The following PLEKHA2 variants were observed in gnomAD, a reference collection of about 807,000 sequenced individuals.
PLEKHA2 encodes the protein pleckstrin homology domain containing A2, also known as pleckstrin homology domain-containing family A member 2.
Under a neutral mutation model 53.2 loss-of-function variants are expected in PLEKHA2, and 28 were observed. The observed-to-expected ratio is 0.53, with a 90% CI of 0.39 to 0.72. The LOEUF (loss-of-function observed/expected upper bound fraction) is 0.72. PLEKHA2 is among the 30% of genes least tolerant of loss of function. The pLI is 0.00. For synonymous variants in PLEKHA2, 193 were observed against 196.4 expected (o/e 0.98, Z 0.14); for missense variants, 426 against 537.9 (o/e 0.79, Z 2.06).
At chr8:38,904,024 T>C (rs1054010847) in intron 1 of PLEKHA2, among the ~76,000 whole-genome samples, 3 of 152,190 alleles carry the variant, frequency 2.0e-5, no homozygotes, top group Non-Finnish European at 4.4e-5. Flanking sequence ...TTATAGTGTG[T>C]TGGCCTATGG....
chr8:38,921,215 C>G (rs899825903), intron 2 of PLEKHA2, among the ~76,000 whole-genome samples: 2 of 152,216 alleles, frequency 1.3e-5, no homozygotes, highest in Non-Finnish European at 2.9e-5. Context: ...TGGGTCTTCA[C>G]GTTCCCTCTC....
chr8:38,964,822 GATTTT>G (rs1471020318), intron 10 of PLEKHA2, among the ~76,000 whole-genome samples: 4 of 106,794 alleles, frequency 3.7e-5, no homozygotes, highest in Non-Finnish European at 6.0e-5. Context: ...GTTTTAAAGT[GATTTT>G]ATTTTATTTT....
At chr8:38,926,659 G>T (rs575428874) in intron 2 of PLEKHA2, among the ~76,000 whole-genome samples, 2 of 152,312 alleles carry the variant, frequency 1.3e-5, no homozygotes, top group Middle Eastern at 3.4e-3. Context: ...AGCCGGGTGC[G>T]GTGGCTCACG....
chr8:38,947,719 T>C (rs1834741333), intron 5 of PLEKHA2, among the ~76,000 whole-genome samples: 1 of 152,186 alleles, frequency 6.6e-6, no homozygotes, highest in African/African-American at 2.4e-5. Context: ...TGACAAACAG[T>C]GTTCTTCGGG....
At chr8:38,926,587 T>A (rs1435889892) in intron 2 of PLEKHA2, among the ~76,000 whole-genome samples, 1 of 152,160 alleles carries the variant, frequency 6.6e-6, no homozygotes, top group African/African-American at 2.4e-5. Flanking sequence ...TCATATTTTT[T>A]AAACAAGTTG....
intron 2 of PLEKHA2, among the ~76,000 whole-genome samples, 193 bp downstream of exon 2, chr8:38,918,263 C>T (rs1371362814): frequency 6.7e-6 from 1 of 150,264 alleles, no homozygotes; most frequent in African/African-American, 2.4e-5. Flanking sequence ...CCACACACAC[C>T]CCATACACAC....
In PLEKHA2 at chr8:38,972,223, C is replaced by T. The variant is rs191497336; in HGVS notation, c.*2440C>T. On this transcript the variant is annotated 3_prime_UTR_variant, in exon 12 of 12. Transcript: ENST00000617275. Reference sequence around the variant, plus strand: ...TTTTTAAAAGACAGGGTCTCACTCTCTTACCCAGGCTAGAGTGCAGTGGTG... The same window carrying T: ...TTTTTAAAAGACAGGGTCTCACTCTTTTACCCAGGCTAGAGTGCAGTGGTG... 1 of 152,080 alleles carries T rather than the reference C, an allele frequency of 6.6e-6. No homozygotes were observed. Among genetic ancestry groups the T allele is most frequent in the African/African-American group, 2.4e-5 (1 of 41,450 alleles). The allele number at this position is 152,080 out of a possible 1,614,324, so 9.4% of individuals were successfully genotyped here.
rs62504411 is a variant in PLEKHA2 at position 38,973,674 on chromosome 8, G to A, written c.*3891G>A. 1.1e-3 allele frequency: 169 copies of A among 150,080 alleles called. No homozygotes were observed. Among genetic ancestry groups the A allele is most frequent in the Middle Eastern group, 6.8e-3 (2 of 296 alleles). 9.3% of individuals were successfully genotyped at this position (150,080 alleles called of 1,614,324 possible). ...TAGATAGAGTTCAGATAAAGCAAAC[G>A]TTTGGCAAAAACATACTGTTTGACC... On this transcript the variant is annotated 3_prime_UTR_variant, in exon 12 of 12. Transcript: ENST00000617275.
At position 38,971,667 on chromosome 8, in the gene PLEKHA2, TC is replaced by T; in HGVS notation, c.*1885del. The T allele has an allele frequency of 6.6e-6, 1 of 152,284 alleles. No homozygotes were observed. The highest frequency in any genetic ancestry group is 2.1e-4 in the South Asian group (1 of 4,822). 9.4% of individuals were successfully genotyped at this position (152,284 alleles called of 1,614,324 possible). A position where few individuals can be genotyped will look rare whatever the true frequency, so the allele number is the denominator to read the frequency against. Reference sequence around the variant, plus strand: ...TCTCTCTTTTCTTTTAAATAAATTATCTGATAAGGCCGGCAAGGTGGCTCAC... The same window carrying T: ...TCTCTCTTTTCTTTTAAATAAATTATTGATAAGGCCGGCAAGGTGGCTCAC... On this transcript the variant is annotated 3_prime_UTR_variant, in exon 12 of 12. Coordinates refer to ENST00000617275, the MANE Select transcript of PLEKHA2 (RefSeq NM_021623.2).
At chr8:38,903,328 T>C (rs954775334) in intron 1 of PLEKHA2, among the ~76,000 whole-genome samples, 3 of 152,260 alleles carry the variant, frequency 2.0e-5, no homozygotes, top group Admixed American at 2.0e-4. Context: ...GGTAATTACC[T>C]TGGTATTGAT....
intron 10 of PLEKHA2, among the ~76,000 whole-genome samples, chr8:38,964,711 A>G (rs1835101417): frequency 6.6e-6 from 1 of 152,176 alleles, no homozygotes; most frequent in Non-Finnish European, 1.5e-5. Context: ...ATTAACTGAA[A>G]AAAAAAATCA....
At chr8:38,949,467 T>A (rs574621212) in intron 5 of PLEKHA2, among the ~76,000 whole-genome samples, 17 of 152,312 alleles carry the variant, frequency 1.1e-4, no homozygotes, top group Non-Finnish European at 2.1e-4. Context: ...CTGTGAAATA[T>A]CCCAAAACTT....
At position 38,936,065 on chromosome 8, in the gene PLEKHA2, G is replaced by T; in HGVS notation, c.198+15G>T. On this transcript the variant is annotated intron_variant, in intron 3 of 11. Transcript: ENST00000617275. ...ACATCTCGAAGGTAATGTTGACCTGGAACTCTGGGAATTCATGCTCTGTAA... is the reference window on the plus strand; with the variant it reads ...ACATCTCGAAGGTAATGTTGACCTGTAACTCTGGGAATTCATGCTCTGTAA... 6.2e-7 allele frequency: 1 copy of T among 1,611,804 alleles called. No individual in the cohort carries two copies. The highest frequency in any genetic ancestry group is 1.1e-5 in the South Asian group (1 of 91,012).
chr8:38,917,876 C>T (rs1834088250), intron 1 of PLEKHA2, 31 bp from the exon 2 acceptor site: 2 of 1,591,906 alleles, frequency 1.3e-6, no homozygotes, highest in African/African-American at 2.7e-5. Context: ...CTTCATCTTC[C>T]TTCTCATCAG....
At chr8:38,963,364 T>C (rs1049360012) in intron 10 of PLEKHA2, among the ~76,000 whole-genome samples, 4 of 152,240 alleles carry the variant, frequency 2.6e-5, no homozygotes, top group Non-Finnish European at 5.9e-5. Context: ...TTTAGTCTCA[T>C]GGTAATTCAT....
intron 9 of PLEKHA2, among the ~76,000 whole-genome samples, chr8:38,955,692 G>A (rs370920661): frequency 1.3e-5 from 2 of 152,328 alleles, no homozygotes; most frequent in Non-Finnish European, 2.9e-5. Flanking sequence ...GGCACTGGCC[G>A]AGGTAGTGCC....
intron 2 of PLEKHA2, among the ~76,000 whole-genome samples, chr8:38,920,799 T>G (rs1043609111): frequency 7.4e-5 from 11 of 148,920 alleles, no homozygotes; most frequent in Admixed American, 2.0e-4. Flanking sequence ...CCTGGTTTCT[T>G]TTTTTTTTTT....
chr8:38,931,268 T>C (rs1479171286), intron 2 of PLEKHA2, among the ~76,000 whole-genome samples: 5 of 151,760 alleles, frequency 3.3e-5, no homozygotes, highest in African/African-American at 1.2e-4. Flanking sequence ...AACGGAGTCA[T>C]CTCAAAATAA....
At chr8:38,907,993 C>T (rs1482774605) in intron 1 of PLEKHA2, among the ~76,000 whole-genome samples, 1 of 152,042 alleles carries the variant, frequency 6.6e-6, no homozygotes. Context: ...ATAGTTGTGA[C>T]TATAGGTGCA....
Sources: allele counts gnomAD v4.1 joint callset (sites outside exome capture counted in the v4.1 genomes callset), GRCh38; gene constraint gnomAD v4.1.1; transcripts MANE v1.5; gene names NCBI Gene and HGNC (gene_info 2026-07-23, HGNC 2026-07-21).